TERF1: variants seen among roughly 807,000 people sequenced by gnomAD.
TERF1 encodes the protein telomeric repeat-binding factor 1.
In TERF1, 20 loss-of-function variants were observed where a neutral mutation model predicts 55.1. The ratio of observed to expected loss-of-function variants is 0.36; its 90% CI spans 0.26 to 0.53. The LOEUF is 0.53. TERF1 is among the 20% of genes least tolerant of loss of function. The probability of loss-of-function intolerance (pLI) is 0.91; values close to 1 mark genes in which losing one functional copy is unlikely to be tolerated. For synonymous variants in TERF1, 168 were observed against 181.2 expected (o/e 0.93, Z 0.59); for missense variants, 439 against 535.7 (o/e 0.82, Z 1.78).
chr8:73,037,637 A>G (rs1809602473), intron 8 of TERF1, among the ~76,000 whole-genome samples: 1 of 86,896 alleles, frequency 1.2e-5, no homozygotes, highest in Non-Finnish European at 2.0e-5. Context: ...TATATATAAC[A>G]TATATAATAT....
chr8:73,038,469 A>G (rs191457001), intron 8 of TERF1, among the ~76,000 whole-genome samples: 1 of 152,040 alleles, frequency 6.6e-6, no homozygotes, highest in African/African-American at 2.4e-5. Flanking sequence ...TAAAAAAAAA[A>G]AGTTACCTCT....
intron 5 of TERF1, among the ~76,000 whole-genome samples, chr8:73,026,045 A>G (rs967345935): frequency 2.7e-5 from 4 of 147,462 alleles, no homozygotes; most frequent in Non-Finnish European, 6.0e-5. Context: ...AAAAATAGAA[A>G]AATTTAGCCA....
chr8:73,019,822 T>C (rs1808674439), intron 2 of TERF1, among the ~76,000 whole-genome samples: 1 of 152,228 alleles, frequency 6.6e-6, no homozygotes, highest in Non-Finnish European at 1.5e-5. Context: ...TCAGCTCCAC[T>C]GTCACTTCTT....
intron 5 of TERF1, 82 bp from the exon 6 acceptor site, chr8:73,026,858 C>A: frequency 9.6e-7 from 1 of 1,042,454 alleles, no homozygotes; most frequent in Non-Finnish European, 1.4e-6. Context: ...CAAAGAATTA[C>A]AAGGCTTAAT....
chr8:73,014,081 T>G, intron 2 of TERF1, 91 bp downstream of exon 2: 1 of 1,089,778 alleles, frequency 9.2e-7, no homozygotes, highest in Non-Finnish European at 1.4e-6. Context: ...TGGGGGAAGT[T>G]TGCCTACAAG....
chr8:73,027,048 A>G lies in TERF1; in HGVS notation c.883A>G (p.Lys295Glu). The G allele has an allele frequency of 1.2e-6, 2 of 1,605,318 alleles. No individual in the cohort carries two copies. Among genetic ancestry groups the G allele is most frequent in the Non-Finnish European group, 1.7e-6 (2 of 1,175,250 alleles). Residue 295 changes from lysine to glutamate, a missense_variant, in exon 6 of 10, where the codon AAA becomes GAA. Coordinates refer to ENST00000276603, the MANE Select transcript of TERF1 (RefSeq NM_017489.3). ...AACTGAAGCTAATTTGGATACAAGA[A>G]AAAGGTTTGTAATTTAATCAATTTG... is the stretch of plus-strand genomic sequence containing the variant. ...METEANLDTR[K>E]SVSDKQSAVT...
intron 1 of TERF1, chr8:73,009,485 C>G (rs1250445305): frequency 2.3e-6 from 1 of 432,722 alleles, no homozygotes; most frequent in African/African-American, 2.1e-5. Context: ...TACAGTTCCA[C>G]TCAACCCAGT....
At chr8:73,039,248 GCT>G (rs1206512737) in intron 9 of TERF1, 29 bp downstream of exon 9, 1 of 1,405,796 alleles carries the variant, frequency 7.1e-7, no homozygotes, top group Non-Finnish European at 9.8e-7. Context: ...TTCGAATAAC[GCT>G]TATGGACATT....
rs763338709 is a variant in TERF1, at chr8:73,008,913, C to A, written c.27C>A (p.Ala9=). Residue 9 remains alanine (A), a synonymous_variant, in exon 1 of 10, where the codon GCC becomes GCA. Coordinates refer to ENST00000276603, the MANE Select transcript of TERF1 (RefSeq NM_017489.3). ...TGGCGGAGGATGTTTCCTCAGCGGCCCCGAGCCCGCGGGGCTGTGCGGATG... is the reference window on the plus strand; with the variant it reads ...TGGCGGAGGATGTTTCCTCAGCGGCACCGAGCCCGCGGGGCTGTGCGGATG... The part of the protein sequence containing the change: MAEDVSSA[A]PSPRGCADGR... 2 of 1,610,442 alleles carry A rather than the reference C, an allele frequency of 1.2e-6. No homozygotes were observed. Among genetic ancestry groups the A allele is most frequent in the African/African-American group, 2.7e-5 (2 of 74,910 alleles).
rs936283703 is a variant in TERF1 at position 73,026,801 on chromosome 8, A to C, written c.775-139A>C. On this transcript the variant is annotated intron_variant, in intron 5 of 9. Coordinates refer to ENST00000276603, the MANE Select transcript of TERF1 (RefSeq NM_017489.3). The stretch of plus-strand genomic sequence containing the variant: ...CATAATTATTGGTGAAAATAACAAC[A>C]CAGTGCCCTTCATTGGCCTGTGAAC... The C allele has an allele frequency of 4.5e-6, 3 of 662,020 alleles. No individual in the cohort carries two copies. The Admixed American group carries it at 9.2e-5, about 20-fold the overall frequency. The allele number at this position is 662,020 out of a possible 1,614,324, so 41.0% of individuals were successfully genotyped here.
chr8:73,047,833 G>T lies in TERF1; in HGVS notation c.*1696G>T, dbSNP rs1299647482. Reference sequence around the variant, plus strand: ...ATTTTGATGATTAGTGCCAAGGCTGGCATCATGAGCCAAAATAGACTTGTT... The same window carrying T: ...ATTTTGATGATTAGTGCCAAGGCTGTCATCATGAGCCAAAATAGACTTGTT... On this transcript the variant is annotated 3_prime_UTR_variant, in exon 10 of 10. Coordinates refer to ENST00000276603, the MANE Select transcript of TERF1 (RefSeq NM_017489.3). The T allele has an allele frequency of 1.3e-5, 2 of 152,106 alleles. No individual in the cohort carries two copies. Among genetic ancestry groups the T allele is most frequent in the Non-Finnish European group, 2.9e-5 (2 of 68,024 alleles). The allele number at this position is 152,106 out of a possible 1,614,324, so 9.4% of individuals were successfully genotyped here.
chr8:73,045,805 T>C (rs1315400259), intron 9 of TERF1, among the ~76,000 whole-genome samples, 156 bp from the exon 10 acceptor site: 2 of 152,224 alleles, frequency 1.3e-5, no homozygotes, highest in East Asian at 3.8e-4. Context: ...TTACGATAAA[T>C]GTAAAATCTT....
intron 7 of TERF1, chr8:73,031,783 T>G: frequency 3.6e-6 from 1 of 275,154 alleles, no homozygotes; most frequent in Non-Finnish European, 6.7e-6. Context: ...TCTTTTCTTT[T>G]TTTTGCCTGC....
intron 2 of TERF1, among the ~76,000 whole-genome samples, chr8:73,020,188 T>C (rs768476288): frequency 1.3e-5 from 2 of 152,242 alleles, no homozygotes; most frequent in African/African-American, 2.4e-5. Flanking sequence ...AATTTGCTAA[T>C]TAGTTATCAG....
rs1180951227 is a variant in TERF1 at position 73,037,837 on chromosome 8, TATATATA to T, written c.1040-1263_1040-1257del. Among the ~76,000 whole-genome samples, 157 of 91,878 alleles carry T rather than the reference TATATATA, an allele frequency of 1.7e-3. 2 individuals carry two copies. The highest frequency in any genetic ancestry group is 5.2e-3 in the African/African-American group (132 of 25,392). 60.3% of individuals were successfully genotyped at this position (91,878 alleles called of 152,430 possible). ...TTATATATAATATATAGTATAATAA[TATATATA>T]ATATATAATATATAAATATGATATA... is the stretch of plus-strand genomic sequence containing the variant. On this transcript the variant is annotated intron_variant, in intron 8 of 9. Transcript: ENST00000276603.
chr8:73,022,870 T>C (rs1388105517), intron 4 of TERF1, among the ~76,000 whole-genome samples: 2 of 152,148 alleles, frequency 1.3e-5, no homozygotes, highest in Non-Finnish European at 2.9e-5. Flanking sequence ...AAGTCAAGGC[T>C]GCAGTGAGCT....
chr8:73,030,631 T>C (rs923255322), intron 7 of TERF1: 2 of 347,682 alleles, frequency 5.8e-6, no homozygotes, highest in East Asian at 4.4e-5. Context: ...GGAATACACA[T>C]ATAGGGAGTT....
chr8:73,021,744 A>G (rs961846465), intron 3 of TERF1, among the ~76,000 whole-genome samples: 3 of 152,158 alleles, frequency 2.0e-5, no homozygotes, highest in East Asian at 1.9e-4. Context: ...AAAAATGCCA[A>G]TGCATGAAAA....
rs1586046409 is a variant in TERF1 at position 73,026,858 on chromosome 8, C to T, written c.775-82C>T. On this transcript the variant is annotated intron_variant, in intron 5 of 9. Coordinates refer to ENST00000276603, the MANE Select transcript of TERF1 (RefSeq NM_017489.3). ...ATTAGCTATGACTATCAAAGAATTA[C>T]AAGGCTTAATTTAATGCTATTTGTT... is the stretch of plus-strand genomic sequence containing the variant. The T allele has an allele frequency of 5.8e-6, 6 of 1,042,454 alleles. No homozygotes were observed. In the East Asian group the frequency reaches 1.3e-4, roughly 22 times the overall value. 64.6% of individuals were successfully genotyped at this position (1,042,454 alleles called of 1,614,324 possible).
Sources: allele counts gnomAD v4.1 joint callset (sites outside exome capture counted in the v4.1 genomes callset), GRCh38; gene constraint gnomAD v4.1.1; transcripts MANE v1.5; gene names NCBI Gene and HGNC (gene_info 2026-07-23, HGNC 2026-07-21).